Variants in DLGAP1 observed in about 807,000 individuals in gnomAD.
DLGAP1 encodes the protein disks large-associated protein 1.
A neutral mutation model predicts 90.8 loss-of-function variants in DLGAP1; 11 were observed. The observed-to-expected ratio is 0.12, with a 90% CI of 0.08 to 0.20. The LOEUF is 0.20. DLGAP1 is among the 10% of genes least tolerant of loss of function. DLGAP1 has a pLI of 1.00. For missense variants in DLGAP1, 1,050 were observed against 1,333.8 expected (o/e 0.79, Z 3.31); for synonymous variants, 558 against 540.7 (o/e 1.03, Z -0.44).
chr18:3,502,337 T>C, intron 12 of DLGAP1, 156 bp downstream of exon 12: 5 of 1,407,178 alleles, frequency 3.6e-6, no homozygotes, highest in Non-Finnish European at 4.6e-6. Context: ...ATATCCCAAA[T>C]GATTACTATG....
At chr18:4,028,525 C>G (rs2074741227) in intron 2 of DLGAP1, among the ~76,000 whole-genome samples, 1 of 152,166 alleles carries the variant, frequency 6.6e-6, no homozygotes, top group South Asian at 2.1e-4. Context: ...AACAGTGCTA[C>G]TCACCCTGAC....
At chr18:4,055,653 C>A (rs1046181750) in intron 2 of DLGAP1, among the ~76,000 whole-genome samples, 1 of 152,076 alleles carries the variant, frequency 6.6e-6, no homozygotes, top group African/African-American at 2.4e-5. Flanking sequence ...CCCAGGGTCA[C>A]GACTAACTGT....
chr18:3,732,180 T>C (rs1430104546), intron 6 of DLGAP1, among the ~76,000 whole-genome samples: 1 of 152,228 alleles, frequency 6.6e-6, no homozygotes, highest in African/African-American at 2.4e-5. Flanking sequence ...TTCATCATGT[T>C]CCTCTGCATT....
Position 3,581,887 on chromosome 18 carries a change from A to T in DLGAP1, c.1953T>A (p.Ser651=). 2 of 1,614,116 alleles carry T rather than the reference A, an allele frequency of 1.2e-6. No homozygotes were observed. ...GGGAGGCTGTTACCTGTATCCCGATAGACAGGCATCGATTTTTCTTAAAGT... is the reference window on the plus strand; with the variant it reads ...GGGAGGCTGTTACCTGTATCCCGATTGACAGGCATCGATTTTTCTTAAAGT... ...KDHFKKNRCL[S]IGIQVDDAEE... The change falls in exon 8 of 13, where the codon TCT becomes TCA. Residue 651 remains serine, a synonymous_variant. Transcript: ENST00000315677.
chr18:3,754,395 C>A (rs1267142773), intron 5 of DLGAP1, among the ~76,000 whole-genome samples: 1 of 151,872 alleles, frequency 6.6e-6, no homozygotes, highest in African/African-American at 2.4e-5. Context: ...CACTTGAGCA[C>A]TGGTTTTCTT....
chr18:4,068,868 C>G (rs893187127), intron 2 of DLGAP1, among the ~76,000 whole-genome samples: 4 of 152,130 alleles, frequency 2.6e-5, no homozygotes, highest in Non-Finnish European at 5.9e-5. Context: ...ACAGAGACAA[C>G]AGAAATTAAG....
At chr18:3,757,096 C>A (rs1473698464) in intron 5 of DLGAP1, among the ~76,000 whole-genome samples, 1 of 152,098 alleles carries the variant, frequency 6.6e-6, no homozygotes, top group South Asian at 2.1e-4. Flanking sequence ...AGTAGTATCA[C>A]CCTGAGATCA....
chr18:3,714,639 GTTTTTTTTT>G (rs869196557), intron 7 of DLGAP1, among the ~76,000 whole-genome samples: 1 of 93,050 alleles, frequency 1.1e-5, no homozygotes, highest in Non-Finnish European at 2.1e-5. Context: ...TGATTACGTG[GTTTTTTTTT>G]TTTTTTTTTT....
At chr18:4,099,613 G>A (rs1241844401) in intron 2 of DLGAP1, among the ~76,000 whole-genome samples, 1 of 152,010 alleles carries the variant, frequency 6.6e-6, no homozygotes, top group Non-Finnish European at 1.5e-5. Context: ...TGCGGTGAAG[G>A]GTTTTACCTC....
intron 7 of DLGAP1, among the ~76,000 whole-genome samples, chr18:3,690,569 G>A (rs746716467): frequency 1.8e-4 from 28 of 152,114 alleles, no homozygotes; most frequent in Non-Finnish European, 3.5e-4. Context: ...ACCTGCCAGA[G>A]CAATAAAGTG....
chr18:4,125,233 C>T (rs771742324), intron 2 of DLGAP1, among the ~76,000 whole-genome samples: 5 of 152,178 alleles, frequency 3.3e-5, no homozygotes, highest in Non-Finnish European at 7.3e-5. Flanking sequence ...AATTACAATA[C>T]ACAGCAGTGC....
chr18:3,905,855 T>C (rs948612807), intron 3 of DLGAP1, among the ~76,000 whole-genome samples: 1 of 152,206 alleles, frequency 6.6e-6, no homozygotes, highest in African/African-American at 2.4e-5. Context: ...ACAGCATGCC[T>C]TACTCTACAA....
At chr18:3,891,127 G>C (rs1279165685) in intron 3 of DLGAP1, among the ~76,000 whole-genome samples, 4 of 152,036 alleles carry the variant, frequency 2.6e-5, no homozygotes. Flanking sequence ...TTGTTCTCTT[G>C]CTCCCACTTT....
chr18:3,566,102 A>T (rs1191276083), intron 9 of DLGAP1, among the ~76,000 whole-genome samples: 1 of 150,462 alleles, frequency 6.6e-6, no homozygotes, highest in African/African-American at 2.5e-5. Context: ...AGGTGCTATA[A>T]ATTACAAAAG....
intron 4 of DLGAP1, among the ~76,000 whole-genome samples, chr18:3,868,954 G>A (rs563787845): frequency 4.3e-4 from 66 of 152,290 alleles, no homozygotes; most frequent in African/African-American, 1.5e-3. Flanking sequence ...AAGCACCACG[G>A]AGGAAACACT....
At chr18:3,714,680 C>G (rs1197828171) in intron 7 of DLGAP1, among the ~76,000 whole-genome samples, 1 of 123,920 alleles carries the variant, frequency 8.1e-6, no homozygotes, top group Non-Finnish European at 1.6e-5. Flanking sequence ...GAGTCTCGCT[C>G]TGTCATGCAA....
chr18:3,507,028 G>A (rs1040235273), intron 11 of DLGAP1, among the ~76,000 whole-genome samples: 2 of 152,170 alleles, frequency 1.3e-5, no homozygotes, highest in East Asian at 1.9e-4. Context: ...GTGTGTATGG[G>A]GCAGGGGGTG....
intron 2 of DLGAP1, among the ~76,000 whole-genome samples, chr18:4,064,435 A>ATAGT (rs1473564222): frequency 2.0e-5 from 1 of 50,734 alleles, no homozygotes; most frequent in Non-Finnish European, 3.5e-5. Context: ...AATTAATACA[A>ATAGT]TAGACTGCTA....
intron 1 of DLGAP1, among the ~76,000 whole-genome samples, chr18:4,191,977 A>T (rs555709032): frequency 1.3e-5 from 2 of 152,118 alleles, no homozygotes; most frequent in Non-Finnish European, 2.9e-5. Flanking sequence ...CTAAACTAAC[A>T]CCAAGAGAAC....
Sources: gnomAD v4.1 joint callset for allele counts (sites outside exome capture counted in the v4.1 genomes callset) on GRCh38, gnomAD v4.1.1 for gene constraint, MANE v1.5 for transcripts, NCBI Gene and HGNC (gene_info 2026-07-23, HGNC 2026-07-21) for gene names.